Variants in NAALADL2 observed in about 807,000 individuals in gnomAD.
NAALADL2 encodes the protein N-acetylated alpha-linked acidic dipeptidase like 2.
A neutral mutation model predicts 87.2 loss-of-function variants in NAALADL2; 76 were observed. That is an observed-to-expected ratio of 0.87 (90% CI 0.72 to 1.05). The LOEUF (loss-of-function observed/expected upper bound fraction) is 1.05, where lower values mean the gene tolerates loss of function less well. NAALADL2 is among the 50% of genes least tolerant of loss of function. The probability of loss-of-function intolerance (pLI) is 0.00; values close to 1 mark genes in which losing one functional copy is unlikely to be tolerated. For missense variants in NAALADL2, 1,089 were observed against 945.8 expected, an observed-to-expected ratio of 1.15 and a Z score of -1.99; for synonymous variants, 354 against 331.0, an observed-to-expected ratio of 1.07 and a Z score of -0.75.
intron 3 of NAALADL2, among the ~76,000 whole-genome samples, chr3:174,772,763 A>G (rs1302033743): frequency 6.6e-6 from 1 of 152,188 alleles, no homozygotes; most frequent in East Asian, 1.9e-4. Flanking sequence ...GTGGAAACAC[A>G]AGAGAGGAAC....
At chr3:175,620,113 C>T (rs1057322050) in intron 10 of NAALADL2, among the ~76,000 whole-genome samples, 2 of 151,792 alleles carry the variant, frequency 1.3e-5, no homozygotes, top group Non-Finnish European at 2.9e-5. Flanking sequence ...AATAGGTTTG[C>T]ACTTACCCTT....
At chr3:175,422,668 C>CA (rs59908051) in intron 5 of NAALADL2, among the ~76,000 whole-genome samples, 86,525 of 151,630 alleles carry the variant, frequency 0.57, 25,404 homozygotes, top group East Asian at 0.66. Flanking sequence ...ACTGCAGAGA[C>CA]AAAAAATAAC....
chr3:175,189,623 G>T (rs1032971002), intron 2 of NAALADL2, among the ~76,000 whole-genome samples: 5 of 152,140 alleles, frequency 3.3e-5, no homozygotes, highest in Admixed American at 6.5e-5. Context: ...AATCAATATT[G>T]TTAAAGTGTG....
At chr3:175,362,047 A>T (rs1033136161) in intron 5 of NAALADL2, among the ~76,000 whole-genome samples, 4 of 148,176 alleles carry the variant, frequency 2.7e-5, no homozygotes, top group African/African-American at 7.4e-5. Context: ...TTTTTGTATA[A>T]GGTGTAAGGA....
At chr3:174,467,950 T>C (rs976927745) in intron 1 of NAALADL2, among the ~76,000 whole-genome samples, 3 of 152,152 alleles carry the variant, frequency 2.0e-5, no homozygotes, top group Admixed American at 6.5e-5. Flanking sequence ...CTTATTAATG[T>C]TATGTATATT....
chr3:175,466,095 A>G (rs1307871007), intron 7 of NAALADL2, among the ~76,000 whole-genome samples: 1 of 152,214 alleles, frequency 6.6e-6, no homozygotes, highest in African/African-American at 2.4e-5. Flanking sequence ...CACAGCCTGG[A>G]TTCTAACCCA....
intron 13 of NAALADL2, among the ~76,000 whole-genome samples, chr3:175,769,791 A>G (rs1749240826): frequency 6.6e-6 from 1 of 152,036 alleles, no homozygotes; most frequent in African/African-American, 2.4e-5. Flanking sequence ...GAACTGGTTC[A>G]TATGAATGAG....
intron 2 of NAALADL2, among the ~76,000 whole-genome samples, chr3:174,685,231 C>T (rs1425006698): frequency 4.6e-5 from 7 of 152,174 alleles, no homozygotes; most frequent in Admixed American, 4.6e-4. Flanking sequence ...TTCAGTGTTC[C>T]TTGGTCTTCC....
chr3:175,400,472 G>C (rs1770422081), intron 5 of NAALADL2, among the ~76,000 whole-genome samples: 1 of 151,998 alleles, frequency 6.6e-6, no homozygotes, highest in Non-Finnish European at 1.5e-5. Flanking sequence ...AAAAGTGAAA[G>C]ATAAATGGGA....
chr3:175,681,353 A>G (rs1735570632), intron 11 of NAALADL2, among the ~76,000 whole-genome samples: 1 of 152,146 alleles, frequency 6.6e-6, no homozygotes, highest in South Asian at 2.1e-4. Context: ...TATATGCTCA[A>G]TGGCTCAGAA....
intron 3 of NAALADL2, among the ~76,000 whole-genome samples, chr3:174,834,751 C>T (rs1170000257): frequency 1.3e-5 from 2 of 151,522 alleles, no homozygotes; most frequent in South Asian, 2.1e-4. Flanking sequence ...ATATATGACT[C>T]ATAGAAATTT....
intron 1 of NAALADL2, among the ~76,000 whole-genome samples, chr3:175,090,199 A>C (rs1274033435): frequency 6.6e-6 from 1 of 152,004 alleles, no homozygotes; most frequent in Non-Finnish European, 1.5e-5. Context: ...TTATTTACAC[A>C]CCCCTGAGAA....
chr3:175,007,771 G>A (rs556782463), intron 1 of NAALADL2, among the ~76,000 whole-genome samples: 3 of 152,068 alleles, frequency 2.0e-5, no homozygotes, highest in African/African-American at 7.2e-5. Flanking sequence ...CTACGAAAAG[G>A]TTTAATTTAT....
chr3:174,470,235 C>A (rs1338875518), intron 1 of NAALADL2, among the ~76,000 whole-genome samples: 1 of 152,006 alleles, frequency 6.6e-6, no homozygotes, highest in Admixed American at 6.6e-5. Context: ...TGATTTGCAT[C>A]TCTTTGATGA....
chr3:174,742,927 T>C (rs567727898), intron 3 of NAALADL2, among the ~76,000 whole-genome samples: 2 of 151,834 alleles, frequency 1.3e-5, no homozygotes, highest in Admixed American at 6.6e-5. Context: ...TAGGATATTT[T>C]CACTCTTTGT....
At chr3:174,664,954 G>A (rs9810363) in intron 2 of NAALADL2, among the ~76,000 whole-genome samples, 11,191 of 152,188 alleles carry the variant, frequency 0.074, 1,378 homozygotes, top group African/African-American at 0.26. Context: ...AGCATACCAA[G>A]CAACTTGTGC....
intron 13 of NAALADL2, among the ~76,000 whole-genome samples, chr3:175,773,966 T>C (rs1749865689): frequency 6.6e-6 from 1 of 152,146 alleles, no homozygotes; most frequent in Admixed American, 6.5e-5. Flanking sequence ...TTGTAAATTA[T>C]ATTATTTATG....
chr3:174,667,192 G>T (rs192201801), intron 2 of NAALADL2, among the ~76,000 whole-genome samples: 1 of 152,268 alleles, frequency 6.6e-6, no homozygotes, highest in Non-Finnish European at 1.5e-5. Flanking sequence ...ATACCCAGAA[G>T]TAAGATTGGT....
chr3:174,521,167 A>G (rs1293837485), intron 1 of NAALADL2, among the ~76,000 whole-genome samples: 1 of 152,198 alleles, frequency 6.6e-6, no homozygotes, highest in Non-Finnish European at 1.5e-5. Context: ...TTATCTACTT[A>G]GAAGAAATCA....
Sources: gnomAD v4.1 joint callset for allele counts (sites outside exome capture counted in the v4.1 genomes callset) on GRCh38, gnomAD v4.1.1 for gene constraint, MANE v1.5 for transcripts, NCBI Gene and HGNC (gene_info 2026-07-23, HGNC 2026-07-21) for gene names.